Variants in TSPAN15 observed in about 807,000 individuals in gnomAD.
The protein encoded by TSPAN15 is tetraspanin 15.
TSPAN15 carries 20 observed loss-of-function variants against 34.5 expected under a neutral mutation model. The observed-to-expected ratio is 0.58, with a 90% CI of 0.41 to 0.84. TSPAN15 has a LOEUF of 0.84. TSPAN15 is among the 40% of genes least tolerant of loss of function. The pLI is 0.00. For missense variants in TSPAN15, 313 were observed against 386.1 expected (o/e 0.81, Z 1.59); for synonymous variants, 155 against 153.9 (o/e 1.01, Z -0.05).
the TSPAN15 span, among the ~76,000 whole-genome samples, chr10:69,534,713 T>A: frequency 6.6e-6 from 1 of 151,580 alleles, no homozygotes; most frequent in African/African-American, 2.4e-5. Flanking sequence ...CCAGGTGTAG[T>A]GGCTCATGTC....
the TSPAN15 span, among the ~76,000 whole-genome samples, chr10:69,530,785 TC>T: frequency 2.6e-3 from 124 of 47,118 alleles, 9 homozygotes; most frequent in East Asian, 0.011. Flanking sequence ...TGAGACTCTC[TC>T]TCTCTCTCTC....
intron 3 of TSPAN15, among the ~76,000 whole-genome samples, chr10:69,493,867 G>C (rs1461313852): frequency 6.6e-6 from 1 of 152,072 alleles, no homozygotes; most frequent in African/African-American, 2.4e-5. Context: ...TGCCCACCTC[G>C]GCCTCCCAAA....
chr10:69,474,089 C>T lies in TSPAN15; in HGVS notation c.97-9602C>T, dbSNP rs572126149. Among the ~76,000 whole-genome samples the T allele has an allele frequency of 1.4e-4, 21 of 152,264 alleles. No individual in the cohort carries two copies. In the East Asian group the frequency reaches 3.5e-3, roughly 25 times the overall value. On this transcript the variant is annotated intron_variant, in intron 1 of 7. Transcript: ENST00000373290. Reference sequence around the variant, plus strand: ...ATTCAGCCAGGTGTCCCCTGGGAGCCGGCAGTTCTGACTGAGCCTCACATC... The same window carrying T: ...ATTCAGCCAGGTGTCCCCTGGGAGCTGGCAGTTCTGACTGAGCCTCACATC...
At chr10:69,461,536 T>C (rs1297903953) in intron 1 of TSPAN15, among the ~76,000 whole-genome samples, 1 of 152,188 alleles carries the variant, frequency 6.6e-6, no homozygotes, top group Non-Finnish European at 1.5e-5. Flanking sequence ...ACACAGGCTG[T>C]TTCCCATCTC....
chr10:69,454,748 C>T (rs1045592743), intron 1 of TSPAN15, among the ~76,000 whole-genome samples: 7 of 152,082 alleles, frequency 4.6e-5, no homozygotes, highest in African/African-American at 1.4e-4. Flanking sequence ...GCTCAGGAGA[C>T]GGAGGTTGAA....
chr10:69,525,748 G>A, the TSPAN15 span, among the ~76,000 whole-genome samples: 56 of 145,372 alleles, frequency 3.9e-4, 7 homozygotes, highest in Middle Eastern at 0.017. Context: ...TGGAACCTGG[G>A]AGGCAGAGGC....
intron 3 of TSPAN15, among the ~76,000 whole-genome samples, chr10:69,492,253 T>C (rs1841983629): frequency 6.6e-6 from 1 of 152,140 alleles, no homozygotes. Flanking sequence ...GTGGCTCCCC[T>C]GGTCTCTCGG....
At chr10:69,494,675 A>G (rs762946427) in intron 3 of TSPAN15, 4 of 985,444 alleles carry the variant, frequency 4.1e-6, no homozygotes, top group Non-Finnish European at 4.8e-6. Context: ...GCCTGGAACC[A>G]GGATCCTGTT....
chr10:69,478,380 G>T (rs1033199741), intron 1 of TSPAN15, among the ~76,000 whole-genome samples: 1 of 152,178 alleles, frequency 6.6e-6, no homozygotes, highest in African/African-American at 2.4e-5. Flanking sequence ...AGTCTGAAAA[G>T]CGCTTTGTTT....
intron 1 of TSPAN15, among the ~76,000 whole-genome samples, chr10:69,470,539 T>C (rs1841482623): frequency 6.6e-6 from 1 of 152,152 alleles, no homozygotes; most frequent in Non-Finnish European, 1.5e-5. Flanking sequence ...GTCACCACAG[T>C]AGCTCCCTGA....
chr10:69,471,147 G>T (rs542773023), intron 1 of TSPAN15, among the ~76,000 whole-genome samples: 5 of 152,228 alleles, frequency 3.3e-5, no homozygotes, highest in Non-Finnish European at 7.3e-5. Flanking sequence ...CAAGTAGAAT[G>T]TGAGCTCCAC....
At chr10:69,475,644 A>C (rs553277746) in intron 1 of TSPAN15, among the ~76,000 whole-genome samples, 69 of 152,266 alleles carry the variant, frequency 4.5e-4, no homozygotes, top group Non-Finnish European at 8.7e-4. Context: ...CTCCCAGCCT[A>C]GCTCCTTCAC....
the TSPAN15 span, among the ~76,000 whole-genome samples, chr10:69,530,818 C>CTATATATA: frequency 3.5e-4 from 15 of 42,558 alleles, no homozygotes; most frequent in Non-Finnish European, 4.9e-4. Flanking sequence ...CTCTCTCTCT[C>CTATATATA]TCTATATATA....
chr10:69,538,585 G>T, the TSPAN15 span, among the ~76,000 whole-genome samples: 1 of 152,334 alleles, frequency 6.6e-6, no homozygotes, highest in Middle Eastern at 3.4e-3. Flanking sequence ...CTCCACAGAG[G>T]GTGATAATCC....
chr10:69,543,121 G>T, the TSPAN15 span, among the ~76,000 whole-genome samples: 1 of 152,204 alleles, frequency 6.6e-6, no homozygotes, highest in South Asian at 2.1e-4. Context: ...CCATGAGGAA[G>T]GACTCTGGAA....
chr10:69,460,035 AT>A, intron 1 of TSPAN15, among the ~76,000 whole-genome samples: 1 of 141,124 alleles, frequency 7.1e-6, no homozygotes, highest in African/African-American at 3.0e-5. Flanking sequence ...ATGAGATGAG[AT>A]GAGATGAGAT....
chr10:69,523,338 T>G, the TSPAN15 span: 1 of 523,048 alleles, frequency 1.9e-6, no homozygotes. Flanking sequence ...AGCCCAAGAG[T>G]AGCAGGCTCC....
chr10:69,452,848 C>A (rs142700996), intron 1 of TSPAN15, among the ~76,000 whole-genome samples: 2 of 152,248 alleles, frequency 1.3e-5, no homozygotes, highest in Non-Finnish European at 2.9e-5. Flanking sequence ...AATACACACA[C>A]TCTCCCCTGG....
At chr10:69,480,895 G>C (rs1010237638) in intron 1 of TSPAN15, among the ~76,000 whole-genome samples, 16 of 152,082 alleles carry the variant, frequency 1.1e-4, no homozygotes, top group African/African-American at 3.6e-4. Flanking sequence ...AAGGGGTTTT[G>C]CCATGGTGGC....
Sources: gnomAD v4.1 joint callset for allele counts (sites outside exome capture counted in the v4.1 genomes callset) on GRCh38, gnomAD v4.1.1 for gene constraint, MANE v1.5 for transcripts, NCBI Gene and HGNC (gene_info 2026-07-23, HGNC 2026-07-21) for gene names.